Variants in RAD51B observed in about 807,000 individuals in gnomAD.
RAD51B encodes the protein RAD51 paralog B.
In RAD51B, 38 loss-of-function variants were observed where a neutral mutation model predicts 42.2. The observed-to-expected ratio is 0.90, with a 90% confidence interval of 0.70 to 1.18. The LOEUF is 1.18. Among genes scored for constraint, RAD51B ranks in the 50% most tolerant of loss-of-function variants. RAD51B has a pLI of 0.00. For missense variants in RAD51B, 373 were observed against 400.7 expected (o/e 0.93, Z 0.59); for synonymous variants, 154 against 145.2 (o/e 1.06, Z -0.43).
chr14:68,605,122 G>C (rs1255525855), intron 10 of RAD51B, among the ~76,000 whole-genome samples: 1 of 152,170 alleles, frequency 6.6e-6, no homozygotes, highest in Non-Finnish European at 1.5e-5. Flanking sequence ...ACTTGGTCAA[G>C]TTTTACTTAA....
chr14:68,310,174 C>A (rs1342122305), intron 8 of RAD51B, among the ~76,000 whole-genome samples: 1 of 152,086 alleles, frequency 6.6e-6, no homozygotes, highest in Non-Finnish European at 1.5e-5. Context: ...ACTGGAGAGC[C>A]TTATGAGGGT....
chr14:68,172,924 T>C (rs1459201925), intron 7 of RAD51B, among the ~76,000 whole-genome samples: 1 of 152,218 alleles, frequency 6.6e-6, no homozygotes, highest in Non-Finnish European at 1.5e-5. Context: ...TCTCTTATTA[T>C]TGAGTGTAGG....
In RAD51B at chr14:68,475,160, T is replaced by C. The variant is rs556865336; in HGVS notation, c.1037-2488T>C. Among the ~76,000 whole-genome samples, 10 of 152,316 alleles carry C rather than the reference T, an allele frequency of 6.6e-5. No individual in the cohort carries two copies. In the South Asian group the frequency reaches 1.9e-3, roughly 28 times the overall value. On this transcript the variant is annotated intron_variant, in intron 10 of 10. Transcript: ENST00000471583. The stretch of plus-strand genomic sequence containing the variant: ...ATACACATTATTTCTGTTTATATGA[T>C]GTTGGCCAGTCTGTAAATATATGAT...
intron 7 of RAD51B, among the ~76,000 whole-genome samples, chr14:67,967,933 G>A (rs545182198): frequency 9.8e-5 from 15 of 152,314 alleles, no homozygotes; most frequent in Middle Eastern, 3.4e-3. Context: ...GAGATTCTCC[G>A]TGAGGGCCCT....
intron 10 of RAD51B, among the ~76,000 whole-genome samples, chr14:68,518,106 C>T (rs377752885): frequency 6.6e-6 from 1 of 152,186 alleles, no homozygotes; most frequent in African/African-American, 2.4e-5. Flanking sequence ...GCCCAGAAGG[C>T]AGCGTTTGTT....
chr14:68,648,091 GTGTA>G (rs1382084724), intron 10 of RAD51B, among the ~76,000 whole-genome samples: 37,915 of 77,308 alleles, frequency 0.49, 9,555 homozygotes, highest in East Asian at 0.68. Context: ...ATATACGTGT[GTGTA>G]TATATATATA....
chr14:67,927,524 A>G lies in RAD51B; in HGVS notation c.756+40320A>G, dbSNP rs761397075. Among the ~76,000 whole-genome samples the G allele has an allele frequency of 3.9e-5, 6 of 151,998 alleles. 1 individual carries two copies. The highest frequency in any genetic ancestry group is 2.6e-4 in the Admixed American group (4 of 15,246). On this transcript the variant is annotated intron_variant, in intron 7 of 10. Coordinates refer to ENST00000471583, the MANE Select transcript of RAD51B (RefSeq NM_133510.4). Reference sequence around the variant, plus strand: ...CTTCCGAGTCTCTGGTTATCTGTTGATCTATTCTCTATGTCCATGAGATGA... The same window carrying G: ...CTTCCGAGTCTCTGGTTATCTGTTGGTCTATTCTCTATGTCCATGAGATGA...
At chr14:67,845,557 A>C (rs2041583311) in intron 4 of RAD51B, among the ~76,000 whole-genome samples, 1 of 152,080 alleles carries the variant, frequency 6.6e-6, no homozygotes, top group East Asian at 1.9e-4. Context: ...AGTCCCAGCT[A>C]CTCAGGAGGC....
chr14:68,545,482 G>A (rs376518105), intron 10 of RAD51B: 98 of 440,260 alleles, frequency 2.2e-4, no homozygotes, highest in African/African-American at 1.9e-3. Flanking sequence ...TTTCAGAATG[G>A]AACAATATTG....
rs181008924 is a variant in RAD51B at position 68,566,832 on chromosome 14, G to T, written c.1037-27653G>T. Among the ~76,000 whole-genome samples, 6 of 152,064 alleles carry T rather than the reference G, an allele frequency of 3.9e-5. No individual in the cohort carries two copies. In the East Asian group the frequency reaches 1.2e-3, roughly 29 times the overall value. ...TGGCTTTCAAGATTCTTCATTATCT[G>T]GCCCCAACTTGCCTATCAAACCTTC... On this transcript the variant is annotated intron_variant, in intron 10 of 10. Transcript: ENST00000487270.
At chr14:68,334,893 G>A (rs2082415584) in intron 8 of RAD51B, among the ~76,000 whole-genome samples, 1 of 96,070 alleles carries the variant, frequency 1.0e-5, no homozygotes, top group Non-Finnish European at 2.4e-5. Flanking sequence ...TATATTTTAT[G>A]ATATATAGGA....
intron 7 of RAD51B, among the ~76,000 whole-genome samples, chr14:68,026,603 C>CCTTCTTTGTT (rs962004514): frequency 6.6e-6 from 1 of 151,464 alleles, no homozygotes; most frequent in Non-Finnish European, 1.5e-5. Context: ...TATGTAATGC[C>CCTTCTTTGTT]CTTCTTTGTT....
chr14:67,823,503 T>A lies in RAD51B; in HGVS notation c.-2-39T>A, dbSNP rs761443476. 5 of 1,581,522 alleles carry A rather than the reference T, an allele frequency of 3.2e-6. No homozygotes were observed. In the South Asian group the frequency reaches 4.5e-5, roughly 14 times the overall value. ...CTATCACTTATGTTATATTCTGTTG[T>A]TTTTTTCATGGTTCTTCTTTTCTTT... On this transcript the variant is annotated intron_variant, in intron 1 of 10. Coordinates refer to ENST00000471583, the MANE Select transcript of RAD51B (RefSeq NM_133510.4).
chr14:68,419,808 G>A (rs2084654197), intron 9 of RAD51B, among the ~76,000 whole-genome samples: 1 of 145,730 alleles, frequency 6.9e-6, no homozygotes, highest in Non-Finnish European at 1.6e-5. Context: ...AAGCAGGGCA[G>A]GACAGAGGGA....
chr14:68,075,155 G>A (rs2076811646), intron 7 of RAD51B, among the ~76,000 whole-genome samples: 1 of 152,178 alleles, frequency 6.6e-6, no homozygotes. Flanking sequence ...TCAACCTGGG[G>A]TGGGGTGGGT....
Position 68,562,056 on chromosome 14 carries a change from C to T in RAD51B, c.1037-32429C>T, listed in dbSNP as rs370216734. 4.1e-6 allele frequency: 4 copies of T among 985,304 alleles called. No homozygotes were observed. In the African/African-American group the frequency reaches 5.2e-5, roughly 13 times the overall value. 61.0% of individuals were successfully genotyped at this position (985,304 alleles called of 1,614,324 possible). A position where few individuals can be genotyped will look rare whatever the true frequency, so the allele number is the denominator to read the frequency against. Reference sequence around the variant, plus strand: ...AAGCTGTCTTTGCAGAATTAGACCACATGAATAATTTGGAGAGTCCATAAC... The same window carrying T: ...AAGCTGTCTTTGCAGAATTAGACCATATGAATAATTTGGAGAGTCCATAAC... On this transcript the variant is annotated intron_variant, in intron 10 of 10. Coordinates refer to the RAD51B transcript ENST00000487270.
intron 10 of RAD51B, among the ~76,000 whole-genome samples, chr14:68,537,308 C>A (rs1487038134): frequency 6.6e-6 from 1 of 151,918 alleles, no homozygotes; most frequent in Non-Finnish European, 1.5e-5. Flanking sequence ...ACCATCCTGG[C>A]TAACACGGTG....
intron 11 of RAD51B, among the ~76,000 whole-genome samples, chr14:68,674,445 T>C (rs1893262360): frequency 6.6e-6 from 1 of 152,062 alleles, no homozygotes; most frequent in Non-Finnish European, 1.5e-5. Flanking sequence ...ATGTATCGTA[T>C]AATATATAAA....
chr14:68,422,500 C>T (rs2084729907), intron 9 of RAD51B, among the ~76,000 whole-genome samples: 1 of 140,812 alleles, frequency 7.1e-6, no homozygotes, highest in Non-Finnish European at 1.5e-5. Context: ...GTGGAAGTTG[C>T]AGTGAGCCAA....
Sources: gnomAD v4.1 joint callset for allele counts (sites outside exome capture counted in the v4.1 genomes callset) on GRCh38, gnomAD v4.1.1 for gene constraint, MANE v1.5 for transcripts, NCBI Gene and HGNC (gene_info 2026-07-23, HGNC 2026-07-21) for gene names.